Variants in ANO3 observed in about 807,000 individuals in gnomAD.
ANO3 encodes anoctamin-3.
ANO3 carries 99 observed loss-of-function variants against 144.8 expected under a neutral mutation model. The observed-to-expected ratio is 0.68, with a 90% CI of 0.58 to 0.81. The LOEUF is 0.81. ANO3 is among the 30% of genes least tolerant of loss of function. ANO3 has a pLI of 0.00. For missense variants in ANO3, 905 were observed against 1,202.2 expected, an observed-to-expected ratio of 0.75 and a Z score of 3.66; for synonymous variants, 414 against 392.6, an observed-to-expected ratio of 1.05 and a Z score of -0.64.
intron 1 of ANO3, among the ~76,000 whole-genome samples, chr11:26,387,071 G>C (rs1473047722): frequency 6.6e-6 from 1 of 151,168 alleles, no homozygotes; most frequent in Non-Finnish European, 1.5e-5. Context: ...TGGAGAAGAG[G>C]GTAAGAGACA....
At chr11:26,199,999 TTTAG>T (rs77944634) in intron 1 of ANO3, among the ~76,000 whole-genome samples, 2,309 of 152,254 alleles carry the variant, frequency 0.015, 49 homozygotes, top group East Asian at 0.12. Flanking sequence ...ACTTTAAGGC[TTTAG>T]TTGGTAATTC....
chr11:26,615,329 T>C (rs552310730), intron 17 of ANO3, among the ~76,000 whole-genome samples: 2 of 150,282 alleles, frequency 1.3e-5, no homozygotes, highest in African/African-American at 4.9e-5. Context: ...CCCTATTCCT[T>C]CTGTTCTCAT....
At chr11:26,334,377 G>A (rs1344225451) in intron 1 of ANO3, among the ~76,000 whole-genome samples, 1 of 152,158 alleles carries the variant, frequency 6.6e-6, no homozygotes, top group Non-Finnish European at 1.5e-5. Flanking sequence ...ATAGGAAGAA[G>A]CAAAATAATT....
chr11:26,296,342 T>C (rs1854087285), intron 1 of ANO3, among the ~76,000 whole-genome samples: 2 of 151,252 alleles, frequency 1.3e-5, no homozygotes, highest in South Asian at 4.1e-4. Flanking sequence ...CAAGAGATGC[T>C]CCGGCTTATC....
chr11:26,368,921 C>A (rs992078090), intron 1 of ANO3, among the ~76,000 whole-genome samples: 12 of 151,568 alleles, frequency 7.9e-5, no homozygotes, highest in Non-Finnish European at 1.5e-4. Flanking sequence ...TCAAGGTGAA[C>A]TGGTTAATCC....
At chr11:26,303,624 T>C (rs1194034143) in intron 1 of ANO3, among the ~76,000 whole-genome samples, 5 of 152,190 alleles carry the variant, frequency 3.3e-5, no homozygotes, top group Admixed American at 2.6e-4. Context: ...GATGGGATCA[T>C]CCATATCCCA....
intron 3 of ANO3, among the ~76,000 whole-genome samples, chr11:26,455,277 T>C (rs61879979): frequency 0.62 from 91,539 of 147,562 alleles, 30,522 homozygotes; most frequent in Admixed American, 0.77. Flanking sequence ...AAAGAGGAAG[T>C]CAAATTGTCC....
chr11:26,640,212 T>C (rs978563056), intron 21 of ANO3, among the ~76,000 whole-genome samples: 2 of 127,438 alleles, frequency 1.6e-5, no homozygotes, highest in African/African-American at 5.2e-5. Context: ...TGCTTAATAT[T>C]TCCTTGACAT....
chr11:26,254,461 A>G (rs79373969), intron 1 of ANO3, among the ~76,000 whole-genome samples: 3,940 of 152,234 alleles, frequency 0.026, 158 homozygotes, highest in African/African-American at 0.089. Flanking sequence ...ATTATTTAAA[A>G]GTATTATCCA....
intron 1 of ANO3, among the ~76,000 whole-genome samples, chr11:26,197,338 A>G (rs1437982256): frequency 6.6e-6 from 1 of 151,740 alleles, no homozygotes; most frequent in African/African-American, 2.4e-5. Flanking sequence ...GTAGTTTAAT[A>G]TTTTTGTTTT....
chr11:26,300,965 T>C (rs1854219526), intron 1 of ANO3, among the ~76,000 whole-genome samples: 1 of 133,620 alleles, frequency 7.5e-6, no homozygotes, highest in Admixed American at 7.0e-5. Flanking sequence ...GCGATTCTCC[T>C]GCCTCAGCCT....
chr11:26,423,757 G>A (rs796070446), intron 1 of ANO3, among the ~76,000 whole-genome samples: 7 of 152,030 alleles, frequency 4.6e-5, no homozygotes, highest in African/African-American at 1.7e-4. Flanking sequence ...CTTAAAATTT[G>A]TGTGTTATTT....
intron 14 of ANO3, among the ~76,000 whole-genome samples, chr11:26,596,619 A>T (rs922570138): frequency 1.3e-5 from 2 of 152,128 alleles, no homozygotes; most frequent in East Asian, 1.9e-4. Flanking sequence ...TGGAGATACA[A>T]CCTGCTCTAA....
At chr11:26,613,098 C>T (rs543287493) in intron 17 of ANO3, among the ~76,000 whole-genome samples, 118 of 152,202 alleles carry the variant, frequency 7.8e-4, no homozygotes, top group Middle Eastern at 3.4e-3. Flanking sequence ...CTGTGTCTTT[C>T]TCCACCTCTT....
intron 4 of ANO3, among the ~76,000 whole-genome samples, chr11:26,499,523 T>A (rs1380485676): frequency 6.6e-6 from 1 of 151,782 alleles, no homozygotes; most frequent in Middle Eastern, 3.4e-3. Context: ...TTAACTTATT[T>A]TTTTAGTGTC....
intron 1 of ANO3, among the ~76,000 whole-genome samples, chr11:26,419,290 T>C (rs74316115): frequency 3.9e-5 from 6 of 152,126 alleles, no homozygotes; most frequent in Non-Finnish European, 8.8e-5. Context: ...TAACCTCTCA[T>C]CAGGTGGAGA....
chr11:26,599,481 C>A, intron 16 of ANO3, 69 bp from the exon 17 acceptor site: 1 of 1,477,158 alleles, frequency 6.8e-7, no homozygotes, highest in South Asian at 1.3e-5. Flanking sequence ...TAGATTTGAT[C>A]TACGGTTTTG....
intron 1 of ANO3, among the ~76,000 whole-genome samples, chr11:26,430,678 C>T (rs1858060674): frequency 6.6e-6 from 1 of 151,978 alleles, no homozygotes; most frequent in Admixed American, 6.6e-5. Flanking sequence ...AAGTACTGCT[C>T]CTTTGGGGAA....
chr11:26,374,558 T>G (rs903517390), intron 1 of ANO3, among the ~76,000 whole-genome samples: 6 of 152,166 alleles, frequency 3.9e-5, no homozygotes, highest in South Asian at 4.1e-4. Flanking sequence ...ATTTGCCATT[T>G]TAATTATATA....
Sources: gnomAD v4.1 joint callset for allele counts (sites outside exome capture counted in the v4.1 genomes callset) on GRCh38, gnomAD v4.1.1 for gene constraint, MANE v1.5 for transcripts, NCBI Gene and HGNC (gene_info 2026-07-23, HGNC 2026-07-21) for gene names.